Variants in AGRN observed in about 807,000 individuals in gnomAD.
AGRN encodes the protein agrin, also known as agrin proteoglycan.
A neutral mutation model predicts 211.0 loss-of-function variants in AGRN; 106 were observed. That is an observed-to-expected ratio of 0.50 (90% CI 0.43 to 0.59). The LOEUF is 0.59. Ranked by LOEUF, AGRN falls within the 20% of genes least tolerant of loss-of-function variation. The pLI is 0.00. For missense variants in AGRN, 3,040 were observed against 2,982.6 expected, an observed-to-expected ratio of 1.02 and a Z score of -0.45; for synonymous variants, 1,525 against 1,332.5, an observed-to-expected ratio of 1.14 and a Z score of -3.15.
At position 1,050,409 on chromosome 1, in the gene AGRN, G is replaced by A. The variant is rs981124981; in HGVS notation, c.4977-18G>A. ...GGGGAGGGGACAGCAAAGACACCCCGACTCCCCATGACCCCAGGGAGAAGA... is the reference window on the plus strand; with the variant it reads ...GGGGAGGGGACAGCAAAGACACCCCAACTCCCCATGACCCCAGGGAGAAGA... On this transcript the variant is annotated intron_variant, in intron 28 of 35. Transcript: ENST00000379370. The A allele has an allele frequency of 1.4e-5, 23 of 1,612,614 alleles. No individual in the cohort carries two copies. Among genetic ancestry groups the A allele is most frequent in the East Asian group, 4.5e-5 (2 of 44,888 alleles).
In AGRN at chr1:1,046,722, G is replaced by GGGT. The variant is rs1645106728; in HGVS notation, c.3240_3242dup (p.Gly1081dup). 6.3e-7 allele frequency: 1 copy of GGGT among 1,579,788 alleles called. No individual in the cohort carries two copies. The highest frequency in any genetic ancestry group is 1.3e-5 in the African/African-American group (1 of 74,590). Reference sequence around the variant, plus strand: ...TGAGCGGGGACCAGGAGGCCAGTGGGGGTGGCTCTGGGGGTGAGCAGGGAT... The same window carrying GGGT: ...TGAGCGGGGACCAGGAGGCCAGTGGGGGTGGTGGCTCTGGGGGTGAGCAGGGAT... On this transcript the variant is annotated inframe_insertion, in exon 18 of 36. Transcript: ENST00000379370.
Position 1,034,210 on chromosome 1 carries a change from G to T in AGRN, c.464-1067G>T, listed in dbSNP as rs1644745501. 3.0e-6 allele frequency: 3 copies of T among 985,314 alleles called. No individual in the cohort carries two copies. In the South Asian group the frequency reaches 1.4e-4, roughly 46 times the overall value. The allele number at this position is 985,314 out of a possible 1,614,324, so 61.0% of individuals were successfully genotyped here. A position where few individuals can be genotyped will look rare whatever the true frequency, so the allele number is the denominator to read the frequency against. ...CGCGCGCACCGCCTCTCCGGCCTGCGCGGCTCCGGGGGCTCCGGGAAGACC... is the reference window on the plus strand; with the variant it reads ...CGCGCGCACCGCCTCTCCGGCCTGCTCGGCTCCGGGGGCTCCGGGAAGACC... On this transcript the variant is annotated intron_variant, in intron 2 of 35. Coordinates refer to ENST00000379370, the MANE Select transcript of AGRN (RefSeq NM_198576.4).
chr1:1,027,082 G>C (rs1246407237), intron 2 of AGRN, among the ~76,000 whole-genome samples: 2 of 152,206 alleles, frequency 1.3e-5, no homozygotes, highest in Non-Finnish European at 2.9e-5. Flanking sequence ...CCCCCTGCCA[G>C]GGGCAGCTCA....
chr1:1,045,863 G>A lies in AGRN; in HGVS notation c.2667G>A (p.Ala889=), dbSNP rs144205055. 165 of 1,610,800 alleles carry A rather than the reference G, an allele frequency of 1.0e-4. No individual in the cohort carries two copies. The highest frequency in any genetic ancestry group is 6.6e-4 in the Middle Eastern group (4 of 6,080). Residue 889 remains alanine (A), a synonymous_variant, in exon 15 of 36, where the codon GCG becomes GCA. Coordinates refer to ENST00000379370, the MANE Select transcript of AGRN (RefSeq NM_198576.4). ...CAGACGGCCGTGCCCTGGGCCCCGC[G>A]GGCTGTGAAGCTGGTGAGTGAGGGC... ...QCPDGRALGP[A]GCEADASAPA...
chr1:1,051,387 G>A lies in AGRN; in HGVS notation c.5370+18G>A, dbSNP rs370604699. 31 of 1,553,724 alleles carry A rather than the reference G, an allele frequency of 2.0e-5. No homozygotes were observed. Among genetic ancestry groups the A allele is most frequent in the African/African-American group, 1.6e-4 (12 of 73,890 alleles). ...TCCAGCTGGTATGTGGGGGCGGGGCGTCCCAGCAGGGCCTCCGGGGCGGGC... is the reference window on the plus strand; with the variant it reads ...TCCAGCTGGTATGTGGGGGCGGGGCATCCCAGCAGGGCCTCCGGGGCGGGC... On this transcript the variant is annotated intron_variant, in intron 31 of 35. Transcript: ENST00000379370.
At chr1:1,053,496 G>T in intron 33 of AGRN, 1 of 1,518,080 alleles carries the variant, frequency 6.6e-7, no homozygotes. Context: ...CTTCACAGGT[G>T]AGCACGTGGC....
At chr1:1,023,175 T>C (rs1644448014) in intron 2 of AGRN, among the ~76,000 whole-genome samples, 1 of 152,156 alleles carries the variant, frequency 6.6e-6, no homozygotes, top group Non-Finnish European at 1.5e-5. Flanking sequence ...TGGGGGGGTC[T>C]GGAGAGTGCT....
At chr1:1,034,779 G>T (rs1275596005) in intron 2 of AGRN, 4 of 966,046 alleles carry the variant, frequency 4.1e-6, no homozygotes, top group Non-Finnish European at 5.0e-6. Context: ...GCTGGAGGCC[G>T]CGGCGGGTCC....
intron 17 of AGRN, 25 bp from the exon 18 acceptor site, chr1:1,046,372 C>A (rs769951545): frequency 1.2e-6 from 2 of 1,607,164 alleles, no homozygotes; most frequent in East Asian, 2.2e-5. Context: ...AACCGGTCCC[C>A]CCGCCAACCT....
At chr1:1,020,456 C>T (rs1315074402) in intron 1 of AGRN, 83 bp downstream of exon 1, 3 of 1,331,834 alleles carry the variant, frequency 2.3e-6, no homozygotes, top group Non-Finnish European at 3.0e-6. Context: ...GGAACCAGCC[C>T]CGGTCGCTCC....
rs116503955 is a variant in AGRN, at chr1:1,040,401, C to T, written c.512-264C>T. Among the ~76,000 whole-genome samples, 2,341 of 152,318 alleles carry T rather than the reference C, an allele frequency of 0.015. 48 individuals are homozygous for T. Among genetic ancestry groups the T allele is most frequent in the African/African-American group, 0.053 (2,218 of 41,570 alleles). ...GGTGCCGCCTGCGGCAGACGCCCCT[C>T]TCCGCGCCTGCAGGTGCGGGGTGGG... On this transcript the variant is annotated intron_variant, in intron 3 of 35. Transcript: ENST00000379370.
intron 33 of AGRN, 183 bp downstream of exon 33, chr1:1,051,998 T>G (rs1645309519): frequency 6.5e-7 from 1 of 1,541,066 alleles, no homozygotes. Flanking sequence ...CCAAGCGAAC[T>G]GGCCAATGAG....
At chr1:1,033,068 G>A (rs1644707831) in intron 2 of AGRN, among the ~76,000 whole-genome samples, 1 of 151,998 alleles carries the variant, frequency 6.6e-6, no homozygotes, top group African/African-American at 2.4e-5. Context: ...CCGGGCCGCA[G>A]TGACGTCAGG....
In AGRN at chr1:1,026,950, A is replaced by C. The variant is rs574149557; in HGVS notation, c.463+4488A>C. Among the ~76,000 whole-genome samples the C allele has an allele frequency of 2.0e-5, 3 of 152,328 alleles. No individual in the cohort carries two copies. In the South Asian group the frequency reaches 6.2e-4, roughly 32 times the overall value. On this transcript the variant is annotated intron_variant, in intron 2 of 35. Transcript: ENST00000379370. ...CCTGTGCGCCCCTCAGGCTGTGGCA[A>C]GATTGTGGCTGGGATCTAGGGAATG...
At position 1,054,455 on chromosome 1, in the gene AGRN, A is replaced by G; in HGVS notation, c.5884A>G (p.Arg1962Gly). The G allele has an allele frequency of 6.3e-7, 1 of 1,587,214 alleles. No individual in the cohort carries two copies. Among genetic ancestry groups the G allele is most frequent in the Non-Finnish European group, 8.6e-7 (1 of 1,167,044 alleles). Residue 1962 changes from arginine (R) to glycine (G), a missense_variant, in exon 35 of 36, where the codon AGG (arginine) becomes GGG (glycine). Coordinates refer to ENST00000379370, the MANE Select transcript of AGRN (RefSeq NM_198576.4). The part of the protein sequence containing the change: ...WLRVVAHREQ[R>G]EGSLQVGNEA... ...CCCTCCCTGCACACCCAGGGAGCAG[A>G]GGGAAGGTTCCCTGCAGGTGGGCAA... is the stretch of plus-strand genomic sequence containing the variant.
Position 1,041,875 on chromosome 1 carries a change from C to A in AGRN, c.1178-81C>A, listed in dbSNP as rs1326145552. 9 of 1,586,702 alleles carry A rather than the reference C, an allele frequency of 5.7e-6. No homozygotes were observed. The African/African-American group carries it at 1.1e-4, about 19-fold the overall frequency. The stretch of plus-strand genomic sequence containing the variant: ...GGCTCCCCTCTGGGAGGGCCGCCTG[C>A]TCCCCTGCTCCCTGCACATCCCAGG... On this transcript the variant is annotated intron_variant, in intron 6 of 35. Coordinates refer to ENST00000379370, the MANE Select transcript of AGRN (RefSeq NM_198576.4).
chr1:1,052,030 G>C, intron 33 of AGRN: 1 of 1,516,140 alleles, frequency 6.6e-7, no homozygotes, highest in Non-Finnish European at 8.9e-7. Flanking sequence ...AGTAGAGCTC[G>C]GCGCCCCCCG....
intron 2 of AGRN, among the ~76,000 whole-genome samples, chr1:1,027,376 C>CG (rs1644543754): frequency 6.6e-6 from 1 of 152,190 alleles, no homozygotes; most frequent in South Asian, 2.1e-4. Flanking sequence ...GGGTTCAGCC[C>CG]GGGCTGGTGC....
rs762390065 is a variant in AGRN at position 1,047,639 on chromosome 1, G to T, written c.3583G>T (p.Gly1195Trp). 1.2e-6 allele frequency: 2 copies of T among 1,613,080 alleles called. No individual in the cohort carries two copies. The highest frequency in any genetic ancestry group is 8.5e-7 in the Non-Finnish European group (1 of 1,180,022). Reference sequence around the variant, plus strand: ...TCGGAGTGTCCGCTTGCGGGACCTGGGGCCCGGCAAATCCGTCCGCGCCAT... The same window carrying T: ...TCGGAGTGTCCGCTTGCGGGACCTGTGGCCCGGCAAATCCGTCCGCGCCAT... ...DFRSVRLRDL[G>W]PGKSVRAIVD... The change falls in exon 21 of 36, where the codon GGG becomes TGG. Residue 1195 changes from glycine (G) to tryptophan (W), a missense_variant. Physicochemically the swap from Gly to Trp is radical, Grantham distance 184 (BLOSUM62 -2). This residue lies in a region of AGRN where 1,537 missense variants were observed against 1,505.0 expected (regional missense o/e 1.02). Transcript: ENST00000379370.
Sources: allele counts gnomAD v4.1 joint callset (sites outside exome capture counted in the v4.1 genomes callset), GRCh38; gene constraint gnomAD v4.1.1; regional missense constraint gnomAD v4.1.1; transcripts MANE v1.5; gene names NCBI Gene and HGNC (gene_info 2026-07-23, HGNC 2026-07-21).